The following ERCC6L variants were observed in gnomAD, a reference collection of about 807,000 sequenced individuals.
ERCC6L encodes the protein DNA excision repair protein ERCC-6-like.
Under a neutral mutation model 20.1 loss-of-function variants are expected in ERCC6L, and 7 were observed. The observed-to-expected ratio is 0.35, with a 90% CI of 0.20 to 0.65. The LOEUF is 0.65. Among genes scored for constraint, ERCC6L ranks in the 30% least tolerant of loss-of-function variants. The probability of loss-of-function intolerance (pLI) is 0.69; values close to 1 mark genes in which losing one functional copy is unlikely to be tolerated. For synonymous variants in ERCC6L, 278 were observed against 331.3 expected, an observed-to-expected ratio of 0.84 and a Z score of 1.75; for missense variants, 592 against 892.4, an observed-to-expected ratio of 0.66 and a Z score of 4.29.
Position 72,205,350 on chromosome X carries a change from G to C in ERCC6L, c.3417C>G (p.Ser1139=), listed in dbSNP as rs1280116094. The change falls in exon 2 of 2, where the codon TCC becomes TCG. Residue 1139 remains serine (S), a synonymous_variant. Transcript: ENST00000334463. ...EGVEESSGEA[S]KYTEEDPSGE... is the part of the protein sequence containing the mutation. ...CGGAAGGATCCTCTTCTGTATACTT[G>C]GAGGCTTCGCCACTGCTTTCCTCCA... 4 of 1,210,371 alleles carry C rather than the reference G, an allele frequency of 3.3e-6. No individual in the cohort carries two copies. Among genetic ancestry groups the C allele is most frequent in the Non-Finnish European group, 3.4e-6 (3 of 895,301 alleles).
At chrX:72,208,719 AGAG>A in intron 1 of ERCC6L, 21 bp from the exon 2 acceptor site, 1 of 1,122,492 alleles carries the variant, frequency 8.9e-7, no homozygotes, top group Non-Finnish European at 1.2e-6. Flanking sequence ...AAAAAGAAGA[AGAG>A]GAGAAAGGAA....
Position 72,204,969 on chromosome X carries a change from CTCATAT to C in ERCC6L, c.*39_*44del. The C allele has an allele frequency of 2.8e-6, 3 of 1,062,835 alleles. No individual in the cohort carries two copies. The highest frequency in any genetic ancestry group is 3.8e-6 in the Non-Finnish European group (3 of 791,960). The allele number at this position is 1,062,835 out of a possible 1,213,427, so 87.6% of individuals were successfully genotyped here. Reference sequence around the variant, plus strand: ...ATCCAATTATGGGAACAAAAATTCCCTCATATTCAGTTTCACTTTAAAATACAATAA... The same window carrying C: ...ATCCAATTATGGGAACAAAAATTCCCTCAGTTTCACTTTAAAATACAATAA... On this transcript the variant is annotated 3_prime_UTR_variant, in exon 2 of 2. Coordinates refer to ENST00000334463, the MANE Select transcript of ERCC6L (RefSeq NM_017669.4).
intron 1 of ERCC6L, among the ~76,000 whole-genome samples, chrX:72,230,402 A>G (rs2042976969): frequency 9.1e-6 from 1 of 110,402 alleles, no homozygotes; most frequent in South Asian, 3.9e-4. Context: ...CAACCCTGCC[A>G]TAAAACCTCT....
At chrX:72,209,384 A>G (rs1196652231) in intron 1 of ERCC6L, among the ~76,000 whole-genome samples, 1 of 111,712 alleles carries the variant, frequency 9.0e-6, no homozygotes, top group Non-Finnish European at 1.9e-5. Context: ...ATCAAATTCA[A>G]TTCATCCCAA....
intron 1 of ERCC6L, among the ~76,000 whole-genome samples, chrX:72,226,535 G>A (rs1398337290): frequency 7.1e-5 from 8 of 112,102 alleles, no homozygotes; most frequent in African/African-American, 2.6e-4. Flanking sequence ...CTATGTCACG[G>A]CTAAGGGATT....
Position 72,237,469 on chromosome X carries a change from G to A in ERCC6L, c.68+1375C>T, listed in dbSNP as rs58872094. Among the ~76,000 whole-genome samples the A allele has an allele frequency of 5.9e-3, 663 of 111,445 alleles. 4 individuals carry two copies. The highest frequency in any genetic ancestry group is 0.021 in the African/African-American group (644 of 30,665). On this transcript the variant is annotated intron_variant, in intron 1 of 1. Transcript: ENST00000334463. The stretch of plus-strand genomic sequence containing the variant: ...AAAAATTAGCCGGGTGTGTTAGCGG[G>A]CGCCTGTAGTCCCAGCTACTCGGGA...
chrX:72,207,811 G>A lies in ERCC6L; in HGVS notation c.956C>T (p.Ala319Val), dbSNP rs1304432204. Reference protein sequence around the residue: ...LGFKISENLMAIIKPYFLRRT... With the variant: ...LGFKISENLMVIIKPYFLRRT... ...CCTGAGAAAATAGGGTTTTATGATTGCCATTAAGTTTTCAGATATTTTAAA... is the reference window on the plus strand; with the variant it reads ...CCTGAGAAAATAGGGTTTTATGATTACCATTAAGTTTTCAGATATTTTAAA... The change falls in exon 2 of 2, where the codon GCA (alanine) becomes GTA (valine). Residue 319 changes from alanine (A) to valine (V), a missense_variant. Ala to Val is a moderately conservative substitution (Grantham distance 64, BLOSUM62 0). Around this residue, in one of 3 missense-constraint regions of ERCC6L, gnomAD observed 196 missense variants for 440.1 expected, o/e 0.45. Transcript: ENST00000334463. The A allele has an allele frequency of 5.0e-6, 6 of 1,207,412 alleles. No homozygotes were observed. The highest frequency in any genetic ancestry group is 6.7e-6 in the Non-Finnish European group (6 of 894,508).
At chrX:72,213,807 T>C (rs974205579) in intron 1 of ERCC6L, among the ~76,000 whole-genome samples, 1 of 111,733 alleles carries the variant, frequency 8.9e-6, no homozygotes, top group African/African-American at 3.3e-5. Flanking sequence ...CAAGGTTCCA[T>C]TCCTTGGAAT....
chrX:72,231,018 T>C (rs762577203), intron 1 of ERCC6L, among the ~76,000 whole-genome samples: 83 of 111,047 alleles, frequency 7.5e-4, no homozygotes, highest in Non-Finnish European at 6.2e-4. Flanking sequence ...AGTGCAGAGG[T>C]TCCTCAAAAA....
At chrX:72,232,547 G>A (rs969842439) in intron 1 of ERCC6L, among the ~76,000 whole-genome samples, 14 of 111,859 alleles carry the variant, frequency 1.3e-4, no homozygotes, top group African/African-American at 3.6e-4. Context: ...GGTGGCTCAC[G>A]CCTGTAATCC....
At chrX:72,226,521 G>A (rs1037739537) in intron 1 of ERCC6L, among the ~76,000 whole-genome samples, 14 of 112,062 alleles carry the variant, frequency 1.2e-4, no homozygotes, top group Admixed American at 5.7e-4. Context: ...TGGAGCGAGC[G>A]GGGCTATGTC....
intron 1 of ERCC6L, among the ~76,000 whole-genome samples, chrX:72,231,824 G>A (rs1031411192): frequency 1.8e-5 from 2 of 112,003 alleles, no homozygotes. Flanking sequence ...TTGAGGTGAT[G>A]GATATGTTAA....
rs985008342 is a variant in ERCC6L at position 72,224,388 on chromosome X, A to T, written c.68+14456T>A. On this transcript the variant is annotated intron_variant, in intron 1 of 1. Coordinates refer to ENST00000334463, the MANE Select transcript of ERCC6L (RefSeq NM_017669.4). ...GGGGAATCATTCATTCATCGGCCCT[A>T]CATCAAAGCCACCCTTACTTATTAT... Among the ~76,000 whole-genome samples the T allele has an allele frequency of 2.7e-5, 3 of 111,269 alleles. No homozygotes were observed. The Admixed American group carries it at 2.9e-4, about 11-fold the overall frequency.
In ERCC6L at chrX:72,208,712, A is replaced by G. The variant is rs200160110; in HGVS notation, c.69-14T>C. ...TCTTTCACATATCTATAGAAAAAAAAAGAAGAAGAGGAGAAAGGAAACATT... is the reference window on the plus strand; with the variant it reads ...TCTTTCACATATCTATAGAAAAAAAGAGAAGAAGAGGAGAAAGGAAACATT... On this transcript the variant is annotated splice_polypyrimidine_tract_variant and intron_variant, in intron 1 of 1. Coordinates refer to ENST00000334463, the MANE Select transcript of ERCC6L (RefSeq NM_017669.4). 21 of 1,143,311 alleles carry G rather than the reference A, an allele frequency of 1.8e-5. No individual in the cohort carries two copies. In the East Asian group the frequency reaches 5.4e-4, roughly 29 times the overall value. The allele number at this position is 1,143,311 out of a possible 1,213,427, so 94.2% of individuals were successfully genotyped here. A position where few individuals can be genotyped will look rare whatever the true frequency, so the allele number is the denominator to read the frequency against.
chrX:72,235,342 T>G (rs149185077), intron 1 of ERCC6L, among the ~76,000 whole-genome samples: 1,376 of 109,363 alleles, frequency 0.013, 9 homozygotes, highest in Middle Eastern at 0.019. Flanking sequence ...GGTTGAATCC[T>G]TCTCACACTG....
Position 72,207,427 on chromosome X carries a change from A to G in ERCC6L, c.1340T>C (p.Ile447Thr). Residue 447 changes from isoleucine to threonine, a missense_variant, in exon 2 of 2, where the codon ATT (isoleucine) becomes ACT (threonine). Physicochemically the swap from Ile to Thr is moderately conservative, Grantham distance 89. This residue lies in a region of ERCC6L where 196 missense variants were observed against 440.1 expected (regional missense o/e 0.45). Transcript: ENST00000334463. ...EGEDSPDVDH[I>T]DQVTDDTLME... ...CAATGTGTCATCAGTTACTTGATCA[A>G]TATGGTCCACATCTGGGGAATCTTC... The G allele has an allele frequency of 2.5e-6, 3 of 1,211,517 alleles. No individual in the cohort carries two copies. Among genetic ancestry groups the G allele is most frequent in the East Asian group, 3.0e-5 (1 of 33,829 alleles).
chrX:72,222,282 T>C (rs2042927870), intron 1 of ERCC6L, among the ~76,000 whole-genome samples: 2 of 111,935 alleles, frequency 1.8e-5, no homozygotes, highest in African/African-American at 6.5e-5. Flanking sequence ...ACCCAATCCT[T>C]TAATTTAACT....
rs1318784089 is a variant in ERCC6L at position 72,205,747 on chromosome X, T to C, written c.3020A>G (p.Asp1007Gly). ...TCLSWEFSEK[D>G]DEPEEVVVKA... ...AACTACTACTTCTTCTGGTTCATCG[T>C]CTTTCTCAGAAAACTCCCAACTGAG... The change falls in exon 2 of 2, where the codon GAC becomes GGC. Residue 1007 changes from aspartate (D) to glycine (G), a missense_variant. Transcript: ENST00000334463. The C allele has an allele frequency of 8.3e-7, 1 of 1,211,723 alleles. No individual in the cohort carries two copies. The highest frequency in any genetic ancestry group is 1.8e-5 in the South Asian group (1 of 57,002).
Position 72,208,711 on chromosome X carries a change from AAAG to A in ERCC6L, c.69-16_69-14del, listed in dbSNP as rs759187037. 72 of 1,142,533 alleles carry A rather than the reference AAAG, an allele frequency of 6.3e-5. No homozygotes were observed. Among genetic ancestry groups the A allele is most frequent in the South Asian group, 1.6e-4 (8 of 48,844 alleles). 94.2% of individuals were successfully genotyped at this position (1,142,533 alleles called of 1,213,427 possible). A position where few individuals can be genotyped will look rare whatever the true frequency, so the allele number is the denominator to read the frequency against. ...CTCTTTCACATATCTATAGAAAAAA[AAAG>A]AAGAAGAGGAGAAAGGAAACATTGA... is the stretch of plus-strand genomic sequence containing the variant. On this transcript the variant is annotated splice_polypyrimidine_tract_variant and intron_variant, in intron 1 of 1. Coordinates refer to ENST00000334463, the MANE Select transcript of ERCC6L (RefSeq NM_017669.4).
Sources: allele counts gnomAD v4.1 joint callset (sites outside exome capture counted in the v4.1 genomes callset), GRCh38; gene constraint gnomAD v4.1.1; regional missense constraint gnomAD v4.1.1; transcripts MANE v1.5; gene names NCBI Gene and HGNC (gene_info 2026-07-23, HGNC 2026-07-21).